The following OR2A12 variants were observed in gnomAD, a reference collection of about 807,000 sequenced individuals.
OR2A12 encodes the protein olfactory receptor family 2 subfamily A member 12.
For synonymous variants in OR2A12, 153 were observed against 149.3 expected (o/e 1.02, Z -0.18); for missense variants, 380 against 372.5 (o/e 1.02, Z -0.17).
chr7:144,086,668 C>T (rs1156685910), intron 1 of OR2A12, 125 bp downstream of exon 1: 5 of 152,220 alleles, frequency 3.3e-5, no homozygotes, highest in Non-Finnish European at 7.3e-5. Context: ...TGGGACTCAT[C>T]GTCTACCCAA....
At chr7:144,094,974 A>T in intron 1 of OR2A12, 83 bp from the exon 2 acceptor site, 1 of 625,192 alleles carries the variant, frequency 1.6e-6, no homozygotes, top group South Asian at 2.2e-5. Flanking sequence ...TTTGGGCTGG[A>T]TGTACCCATG....
At position 144,097,236 on chromosome 7, in the gene OR2A12, C is replaced by T. The variant is rs1294870231; in HGVS notation, c.*1196C>T. ...GCAGTAACAAACAATTAAAATGAAA[C>T]TTGAAAAAACGCTACCATACACAAC... On this transcript the variant is annotated 3_prime_UTR_variant, in exon 2 of 2. Transcript: ENST00000641592. 6.6e-6 allele frequency: 1 copy of T among 151,736 alleles called. No individual in the cohort carries two copies. Among genetic ancestry groups the T allele is most frequent in the Non-Finnish European group, 1.5e-5 (1 of 67,938 alleles). The allele number at this position is 151,736 out of a possible 1,614,324, so 9.4% of individuals were successfully genotyped here.
chr7:144,095,806 C>A lies in OR2A12; in HGVS notation c.699C>A (p.Arg233=). Residue 233 remains arginine, a synonymous_variant, in exon 2 of 2, where the codon CGC becomes CGA. Transcript: ENST00000641592. The stretch of plus-strand genomic sequence containing the variant: ...TGAGGATCCAGTCTGGGGAGGGCCG[C>A]AGAAAGGCCTTCTCTACCTGCTCCT... ...AILRIQSGEG[R]RKAFSTCSSH... 1 of 1,614,118 alleles carries A rather than the reference C, an allele frequency of 6.2e-7. No individual in the cohort carries two copies. Among genetic ancestry groups the A allele is most frequent in the East Asian group, 2.2e-5 (1 of 44,864 alleles).
intron 1 of OR2A12, among the ~76,000 whole-genome samples, chr7:144,093,846 A>G (rs2051243091): frequency 6.6e-6 from 1 of 151,662 alleles, no homozygotes; most frequent in South Asian, 2.1e-4. Flanking sequence ...CATGGTGTAT[A>G]TGTGCCACAT....
chr7:144,087,057 G>A (rs2051192638), intron 1 of OR2A12, among the ~76,000 whole-genome samples: 1 of 152,140 alleles, frequency 6.6e-6, no homozygotes, highest in East Asian at 1.9e-4. Context: ...GGTTCATGGT[G>A]TCAAACTGGA....
At chr7:144,094,074 G>A (rs867316926) in intron 1 of OR2A12, among the ~76,000 whole-genome samples, 14 of 152,096 alleles carry the variant, frequency 9.2e-5, no homozygotes, top group African/African-American at 3.4e-4. Flanking sequence ...CCTTTTTAGT[G>A]TTAAATTTGT....
At chr7:144,087,144 G>A (rs1384510274) in intron 1 of OR2A12, among the ~76,000 whole-genome samples, 1 of 152,140 alleles carries the variant, frequency 6.6e-6, no homozygotes, top group African/African-American at 2.4e-5. Flanking sequence ...GTGTTACATA[G>A]TTTTTCCTGT....
In OR2A12 at chr7:144,097,550, A is replaced by G. The variant is rs1285451470; in HGVS notation, c.*1510A>G. On this transcript the variant is annotated 3_prime_UTR_variant, in exon 2 of 2. Transcript: ENST00000641592. ...AGGGACCAAGGCTAGCTCAAACTCT[A>G]TTAAAAGAGAAAGAGTACAACGTGG... is the stretch of plus-strand genomic sequence containing the variant. 1 of 152,206 alleles carries G rather than the reference A, an allele frequency of 6.6e-6. No homozygotes were observed. The highest frequency in any genetic ancestry group is 2.4e-5 in the African/African-American group (1 of 41,450). 9.4% of individuals were successfully genotyped at this position (152,206 alleles called of 1,614,324 possible).
intron 1 of OR2A12, among the ~76,000 whole-genome samples, chr7:144,090,632 G>T (rs2051221070): frequency 6.6e-6 from 1 of 152,010 alleles, no homozygotes; most frequent in South Asian, 2.1e-4. Context: ...CATCACTCAG[G>T]TATTAAGCCT....
rs758599169 is a variant in OR2A12, at chr7:144,095,073, T to C, written c.-35T>C. On this transcript the variant is annotated 5_prime_UTR_variant, in exon 2 of 2. Transcript: ENST00000641592. ...TCCCATTAGCTGTGAAATTTCTGTC[T>C]TAAGTACATCACAAGATTTTTCTGT... 1.4e-6 allele frequency: 2 copies of C among 1,436,810 alleles called. No individual in the cohort carries two copies. Among genetic ancestry groups the C allele is most frequent in the South Asian group, 2.6e-5 (2 of 76,718 alleles). 89.0% of individuals were successfully genotyped at this position (1,436,810 alleles called of 1,614,324 possible). A position where few individuals can be genotyped will look rare whatever the true frequency, so the allele number is the denominator to read the frequency against.
At chr7:144,087,122 G>T (rs777152070) in intron 1 of OR2A12, among the ~76,000 whole-genome samples, 26 of 152,254 alleles carry the variant, frequency 1.7e-4, no homozygotes, top group Non-Finnish European at 2.9e-4. Flanking sequence ...AATGAAGGAG[G>T]TGAAGCTCCA....
In OR2A12 at chr7:144,095,916, G is replaced by A. The variant is rs1168383026; in HGVS notation, c.809G>A (p.Arg270Lys). Residue 270 changes from arginine (R) to lysine (K), a missense_variant, in exon 2 of 2, where the codon AGG becomes AAG. Transcript: ENST00000641592. Reference sequence around the variant, plus strand: ...AAGTCAAGCCATTCTCAAGAACGGAGGAAGATCCTTTCCCTGTTTTACAGC... The same window carrying A: ...AAGTCAAGCCATTCTCAAGAACGGAAGAAGATCCTTTCCCTGTTTTACAGC... ...APKSSHSQER[R>K]KILSLFYSLF... 1.2e-6 allele frequency: 2 copies of A among 1,614,094 alleles called. No homozygotes were observed. The highest frequency in any genetic ancestry group is 2.2e-5 in the South Asian group (2 of 91,074).
chr7:144,089,316 ATGTG>A (rs377645584), intron 1 of OR2A12, among the ~76,000 whole-genome samples: 8 of 150,014 alleles, frequency 5.3e-5, no homozygotes, highest in Non-Finnish European at 7.4e-5. Context: ...GTGCGTGTGC[ATGTG>A]TGTGTGTGTG....
intron 1 of OR2A12, among the ~76,000 whole-genome samples, chr7:144,094,297 A>G (rs1054178953): frequency 6.6e-6 from 1 of 152,148 alleles, no homozygotes; most frequent in African/African-American, 2.4e-5. Context: ...TGATCAAATT[A>G]TAGAGCCGGC....
chr7:144,087,344 A>T (rs2051194332), intron 1 of OR2A12, among the ~76,000 whole-genome samples: 1 of 152,206 alleles, frequency 6.6e-6, no homozygotes, highest in Non-Finnish European at 1.5e-5. Flanking sequence ...AGAGAAGCCC[A>T]TATAGGTGCC....
At chr7:144,091,568 T>A (rs117946505) in intron 1 of OR2A12, among the ~76,000 whole-genome samples, 2,577 of 152,312 alleles carry the variant, frequency 0.017, 37 homozygotes, top group Non-Finnish European at 0.023. Flanking sequence ...TGATGTGAGA[T>A]GATATCTCAT....
intron 1 of OR2A12, among the ~76,000 whole-genome samples, chr7:144,093,943 T>A (rs1272552628): frequency 6.6e-6 from 1 of 152,086 alleles, no homozygotes; most frequent in Non-Finnish European, 1.5e-5. Flanking sequence ...AACATACGTG[T>A]GCATGTATCA....
intron 1 of OR2A12, among the ~76,000 whole-genome samples, chr7:144,086,975 G>C (rs1184607196): frequency 6.6e-6 from 1 of 152,118 alleles, no homozygotes; most frequent in East Asian, 1.9e-4. Flanking sequence ...CGTTACATAG[G>C]TTTCAGACTT....
intron 1 of OR2A12, among the ~76,000 whole-genome samples, chr7:144,087,150 C>T (rs946896366): frequency 5.9e-5 from 9 of 152,122 alleles, no homozygotes. Flanking sequence ...CATAGTTTTT[C>T]CTGTGATTTC....
Sources: gnomAD v4.1 joint callset for allele counts (sites outside exome capture counted in the v4.1 genomes callset) on GRCh38, gnomAD v4.1.1 for gene constraint, MANE v1.5 for transcripts, NCBI Gene and HGNC (gene_info 2026-07-23, HGNC 2026-07-21) for gene names.